Variants in NKAIN2 observed in about 807,000 individuals in gnomAD.
NKAIN2 encodes sodium/potassium-transporting ATPase subunit beta-1-interacting protein 2.
NKAIN2 carries 14 observed loss-of-function variants against 32.6 expected under a neutral mutation model. The ratio of observed to expected loss-of-function variants is 0.43; its 90% confidence interval spans 0.28 to 0.67. The LOEUF (loss-of-function observed/expected upper bound fraction) is 0.67. Ranked by LOEUF, NKAIN2 falls within the 30% of genes least tolerant of loss-of-function variation. The pLI is 0.17. For missense variants in NKAIN2, 198 were observed against 258.3 expected (o/e 0.77, Z 1.60); for synonymous variants, 80 against 87.2 (o/e 0.92, Z 0.46).
At chr6:124,791,157 A>G (rs953899064) in intron 4 of NKAIN2, among the ~76,000 whole-genome samples, 182 bp from the exon 5 acceptor site, 5 of 152,170 alleles carry the variant, frequency 3.3e-5, no homozygotes, top group Non-Finnish European at 7.3e-5. Flanking sequence ...ATGTATTTAC[A>G]ACACAGATGA....
Position 124,342,835 on chromosome 6 carries a change from A to ATTATTATTATTATTATTG in NKAIN2, c.193-12419_193-12418insTATTGTTATTATTATTAT, listed in dbSNP as rs1429792655. 5.1e-3 allele frequency among the ~76,000 whole-genome samples: 759 copies of ATTATTATTATTATTATTG among 149,912 alleles called. 24 individuals carry two copies. In the East Asian group the frequency reaches 0.088, roughly 17 times the overall value. ...ATGTTTTATTATTATTATTATTATT[A>ATTATTATTATTATTATTG]TTATTATTATTATACTTTAAGTTTT... is the stretch of plus-strand genomic sequence containing the variant. On this transcript the variant is annotated intron_variant, in intron 2 of 6. Transcript: ENST00000368417.
chr6:124,302,793 T>C (rs1405102944), intron 2 of NKAIN2, among the ~76,000 whole-genome samples: 2 of 152,170 alleles, frequency 1.3e-5, no homozygotes, highest in Non-Finnish European at 1.5e-5. Context: ...GTCTGACTCA[T>C]GAATTAATGA....
At chr6:124,139,099 T>TTTTTTTTTTA (rs60439498) in intron 1 of NKAIN2, among the ~76,000 whole-genome samples, 5 of 144,290 alleles carry the variant, frequency 3.5e-5, no homozygotes, top group Non-Finnish European at 6.0e-5. Context: ...TTTTTTTTTT[T>TTTTTTTTTTA]GAGACGGAGT....
chr6:124,342,927 C>T (rs1213567830), intron 2 of NKAIN2, among the ~76,000 whole-genome samples: 1 of 151,080 alleles, frequency 6.6e-6, no homozygotes, highest in African/African-American at 2.4e-5. Flanking sequence ...GTGTGCTGCA[C>T]CCATTAACTC....
At chr6:124,589,376 A>T (rs1345300930) in intron 3 of NKAIN2, among the ~76,000 whole-genome samples, 1 of 152,158 alleles carries the variant, frequency 6.6e-6, no homozygotes, top group Admixed American at 6.5e-5. Context: ...AATGGGAAGT[A>T]CTCTAATATT....
At chr6:124,011,887 T>G (rs985441794) in intron 1 of NKAIN2, among the ~76,000 whole-genome samples, 3 of 152,158 alleles carry the variant, frequency 2.0e-5, no homozygotes, top group African/African-American at 7.2e-5. Flanking sequence ...TTTGATCAGT[T>G]CACTCCCATG....
At chr6:124,433,690 G>A (rs1221099938) in intron 3 of NKAIN2, among the ~76,000 whole-genome samples, 1 of 152,104 alleles carries the variant, frequency 6.6e-6, no homozygotes. Context: ...GGTGCCAGGT[G>A]AATCGGCACT....
intron 1 of NKAIN2, among the ~76,000 whole-genome samples, chr6:124,052,616 A>G (rs982916498): frequency 2.0e-5 from 3 of 152,132 alleles, no homozygotes; most frequent in Admixed American, 6.6e-5. Context: ...AAAGTACAAC[A>G]ATATAAGCTT....
intron 1 of NKAIN2, among the ~76,000 whole-genome samples, chr6:123,849,973 T>TTTTA (rs1775259359): frequency 6.9e-6 from 1 of 145,462 alleles, no homozygotes; most frequent in Non-Finnish European, 1.5e-5. Context: ...TTTGTTTGTT[T>TTTTA]TTTTTTTAAC....
intron 3 of NKAIN2, among the ~76,000 whole-genome samples, chr6:124,605,423 C>T (rs199680902): frequency 2.6e-5 from 4 of 152,022 alleles, no homozygotes; most frequent in East Asian, 3.9e-4. Context: ...AGACAAGATT[C>T]GGAGCACAAT....
chr6:123,875,178 A>G (rs1317445914), intron 1 of NKAIN2, among the ~76,000 whole-genome samples: 1 of 151,990 alleles, frequency 6.6e-6, no homozygotes, highest in African/African-American at 2.4e-5. Flanking sequence ...AATAACACTG[A>G]AACGAATAGT....
intron 2 of NKAIN2, among the ~76,000 whole-genome samples, chr6:124,332,498 AATTTGATCAACAC>A (rs1423442461): frequency 6.6e-6 from 1 of 152,284 alleles, no homozygotes; most frequent in African/African-American, 2.4e-5. Flanking sequence ...CTATCTACTG[AATTTGATCAACAC>A]ATTTGATCAA....
chr6:123,917,646 T>A (rs568291038), intron 1 of NKAIN2, among the ~76,000 whole-genome samples: 133 of 152,248 alleles, frequency 8.7e-4, no homozygotes, highest in African/African-American at 3.2e-3. Context: ...GTATTCCTTT[T>A]CTACATCCCT....
chr6:124,081,946 G>T (rs1192938873), intron 1 of NKAIN2, among the ~76,000 whole-genome samples: 2 of 152,038 alleles, frequency 1.3e-5, no homozygotes, highest in African/African-American at 4.8e-5. Context: ...GCTTTATTAA[G>T]ATTGCAGGTA....
chr6:124,133,794 T>G (rs545541647), intron 1 of NKAIN2, among the ~76,000 whole-genome samples: 50 of 151,952 alleles, frequency 3.3e-4, no homozygotes, highest in Non-Finnish European at 6.0e-4. Flanking sequence ...CCTAGAGCAC[T>G]AATAATCAAA....
At chr6:124,623,496 A>C (rs760252971) in intron 3 of NKAIN2, among the ~76,000 whole-genome samples, 1 of 152,186 alleles carries the variant, frequency 6.6e-6, no homozygotes, top group African/African-American at 2.4e-5. Flanking sequence ...AGTTCCACAG[A>C]TCTTAAAGTT....
At chr6:124,192,673 G>A (rs1249644949) in intron 1 of NKAIN2, among the ~76,000 whole-genome samples, 1 of 142,742 alleles carries the variant, frequency 7.0e-6, no homozygotes, top group Non-Finnish European at 1.5e-5. Flanking sequence ...TACATGTTCT[G>A]TAATGTTCTG....
chr6:124,678,374 G>A (rs1773460054), intron 4 of NKAIN2, among the ~76,000 whole-genome samples: 1 of 151,890 alleles, frequency 6.6e-6, no homozygotes, highest in African/African-American at 2.4e-5. Context: ...TGTACCATAA[G>A]TTCCTTAAGC....
chr6:123,966,140 G>A (rs1412512969), intron 1 of NKAIN2, among the ~76,000 whole-genome samples: 2 of 152,138 alleles, frequency 1.3e-5, no homozygotes, highest in African/African-American at 4.8e-5. Flanking sequence ...CCAGGACGAT[G>A]GTAGCAATTT....
Sources: allele counts gnomAD v4.1 joint callset (sites outside exome capture counted in the v4.1 genomes callset), GRCh38; gene constraint gnomAD v4.1.1; transcripts MANE v1.5; gene names NCBI Gene and HGNC (gene_info 2026-07-23, HGNC 2026-07-21).